Variants in PRKAR1A observed in about 807,000 individuals in gnomAD.
The protein encoded by PRKAR1A is protein kinase cAMP-dependent type I regulatory subunit alpha, also known as cAMP-dependent protein kinase type I-alpha regulatory subunit.
A neutral mutation model predicts 52.0 loss-of-function variants in PRKAR1A; 3 were observed. The ratio of observed to expected loss-of-function variants is 0.06; its 90% confidence interval spans 0.03 to 0.15. PRKAR1A has a LOEUF of 0.15. Ranked by LOEUF, PRKAR1A falls within the 10% of genes least tolerant of loss-of-function variation. The probability of loss-of-function intolerance (pLI) is 1.00; values close to 1 mark genes in which losing one functional copy is unlikely to be tolerated. For synonymous variants in PRKAR1A, 188 were observed against 168.4 expected (o/e 1.12, Z -0.90); for missense variants, 240 against 477.4 (o/e 0.50, Z 4.63).
At chr17:68,539,834 G>T in intron 11 of PRKAR1A, 2 of 1,571,980 alleles carry the variant, frequency 1.3e-6, no homozygotes, top group Non-Finnish European at 1.7e-6. Flanking sequence ...TGGCTGCACA[G>T]AGCAGCACAT....
chr17:68,484,953 C>G, the PRKAR1A span, among the ~76,000 whole-genome samples: 1 of 152,192 alleles, frequency 6.6e-6, no homozygotes, highest in African/African-American at 2.4e-5. Flanking sequence ...AATGTGTTTT[C>G]TGCCACAATG....
Position 68,533,048 on chromosome 17 carries a change from A to T in PRKAR1A, c.*2599A>T. The T allele has an allele frequency of 3.8e-6, 4 of 1,065,778 alleles. No individual in the cohort carries two copies. Among genetic ancestry groups the T allele is most frequent in the Non-Finnish European group, 4.5e-6 (4 of 879,594 alleles). 66.0% of individuals were successfully genotyped at this position (1,065,778 alleles called of 1,614,324 possible). A position where few individuals can be genotyped will look rare whatever the true frequency, so the allele number is the denominator to read the frequency against. ...AAGATTTCCTTTTGATTGAAGACAG[A>T]TTGGTTCTGTGGCCTTGGAACTTTC... On this transcript the variant is annotated 3_prime_UTR_variant, in exon 11 of 11. Transcript: ENST00000589228.
chr17:68,507,799 T>G (rs2085216526), upstream of PRKAR1A, among the ~76,000 whole-genome samples: 1 of 152,132 alleles, frequency 6.6e-6, no homozygotes, highest in Non-Finnish European at 1.5e-5. Context: ...TAAAAACAGC[T>G]TAGGCCTAGG....
At chr17:68,452,995 G>A in the PRKAR1A span, 3 of 1,611,166 alleles carry the variant, frequency 1.9e-6, no homozygotes, top group Non-Finnish European at 2.5e-6. Flanking sequence ...CTAGGGATCT[G>A]TGGAGGATAA....
chr17:68,495,375 T>G, the PRKAR1A span, among the ~76,000 whole-genome samples: 5 of 152,266 alleles, frequency 3.3e-5, no homozygotes, highest in South Asian at 1.0e-3. Flanking sequence ...AGTCTTTACC[T>G]TGGTGCCATT....
the PRKAR1A span, among the ~76,000 whole-genome samples, chr17:68,416,438 A>G: frequency 6.6e-6 from 1 of 151,826 alleles, no homozygotes; most frequent in African/African-American, 2.4e-5. Context: ...GTTTTTCTTT[A>G]TAGGTTACCT....
At chr17:68,426,252 G>GGGGGGGGGGGGGGGGGGGGT in the PRKAR1A span, 2 of 828,188 alleles carry the variant, frequency 2.4e-6, 1 homozygote, top group Non-Finnish European at 3.8e-6. Flanking sequence ...TGGGGAGCGG[G>GGGGGGGGGGGGGGGGGGGGT]GGCTCAAATA....
chr17:68,514,777 T>G (rs1014991218), intron 1 of PRKAR1A: 9 of 152,642 alleles, frequency 5.9e-5, no homozygotes, highest in African/African-American at 2.2e-4. Context: ...AGGGGTGGAA[T>G]CTGGCAAACG....
the PRKAR1A span, among the ~76,000 whole-genome samples, chr17:68,458,309 T>C: frequency 6.6e-6 from 1 of 152,202 alleles, no homozygotes; most frequent in Non-Finnish European, 1.5e-5. Context: ...ACAATTTGTC[T>C]AAAGTAACAG....
the PRKAR1A span, among the ~76,000 whole-genome samples, chr17:68,470,817 C>T: frequency 6.6e-6 from 1 of 152,182 alleles, no homozygotes; most frequent in Non-Finnish European, 1.5e-5. Context: ...AGCTTCATTT[C>T]ATAGACAAAG....
At chr17:68,481,005 T>C in the PRKAR1A span, among the ~76,000 whole-genome samples, 32 of 152,264 alleles carry the variant, frequency 2.1e-4, no homozygotes, top group Admixed American at 7.2e-4. Flanking sequence ...TAAGAAAATA[T>C]AAGCCTGTAG....
the PRKAR1A span, among the ~76,000 whole-genome samples, chr17:68,474,819 T>C: frequency 6.6e-6 from 1 of 152,108 alleles, no homozygotes; most frequent in Non-Finnish European, 1.5e-5. Flanking sequence ...GAGTGGAGGT[T>C]GCAGTGAGCC....
At chr17:68,468,294 A>G in the PRKAR1A span, among the ~76,000 whole-genome samples, 1 of 152,186 alleles carries the variant, frequency 6.6e-6, no homozygotes, top group Admixed American at 6.5e-5. Context: ...AAGGGTAGAT[A>G]TGTGAGATTG....
chr17:68,486,386 CTCTTTCTTTCTTTCTTTCTT>C, the PRKAR1A span, among the ~76,000 whole-genome samples: 1 of 135,492 alleles, frequency 7.4e-6, no homozygotes, highest in African/African-American at 2.7e-5. Context: ...TTCTTTCTTT[CTCTTTCTTTCTTTCTTTCTT>C]TCTTTCTTTC....
At chr17:68,430,524 G>A in the PRKAR1A span, among the ~76,000 whole-genome samples, 2 of 152,132 alleles carry the variant, frequency 1.3e-5, no homozygotes, top group Non-Finnish European at 2.9e-5. Context: ...AATAAGCTTG[G>A]GACTGTGCCG....
intron 5 of PRKAR1A, 171 bp downstream of exon 5, chr17:68,524,248 G>T: frequency 3.1e-6 from 2 of 645,800 alleles, no homozygotes; most frequent in Non-Finnish European, 5.3e-6. Context: ...TTCTGAGATG[G>T]ACAGAACACT....
chr17:68,460,041 AC>A, the PRKAR1A span, among the ~76,000 whole-genome samples: 1 of 152,014 alleles, frequency 6.6e-6, no homozygotes, highest in African/African-American at 2.4e-5. Flanking sequence ...GGCTGGTCTC[AC>A]ACTCCTGACC....
chr17:68,519,294 G>A (rs930188445), intron 2 of PRKAR1A, among the ~76,000 whole-genome samples: 1 of 152,158 alleles, frequency 6.6e-6, no homozygotes, highest in African/African-American at 2.4e-5. Flanking sequence ...AAAGTGGTTT[G>A]ACTCACAGTT....
the PRKAR1A span, among the ~76,000 whole-genome samples, chr17:68,454,894 TGTTTTATGTG>T: frequency 1.2e-5 from 1 of 86,708 alleles, no homozygotes; most frequent in Non-Finnish European, 2.9e-5. Flanking sequence ...CACAGAGTGA[TGTTTTATGTG>T]ATGTTTTACG....
Sources: gnomAD v4.1 joint callset for allele counts (sites outside exome capture counted in the v4.1 genomes callset) on GRCh38, gnomAD v4.1.1 for gene constraint, MANE v1.5 for transcripts, NCBI Gene and HGNC (gene_info 2026-07-23, HGNC 2026-07-21) for gene names.